RNF13: variants seen among roughly 807,000 people sequenced by gnomAD.
RNF13 encodes ring finger protein 13.
In RNF13, 19 loss-of-function variants were observed where a neutral mutation model predicts 37.7. The ratio of observed to expected loss-of-function variants is 0.50; its 90% CI spans 0.35 to 0.74. RNF13 has a LOEUF of 0.74. RNF13 is among the 30% of genes least tolerant of loss of function. The pLI, the probability that RNF13 is intolerant of heterozygous loss-of-function variation, is 0.01. For missense variants in RNF13, 375 were observed against 453.0 expected (o/e 0.83, Z 1.56); for synonymous variants, 144 against 157.8 (o/e 0.91, Z 0.65).
rs73009640 is a variant in RNF13 at position 149,886,529 on chromosome 3, C to T, written c.322-8944C>T. On this transcript the variant is annotated intron_variant, in intron 4 of 9. Transcript: ENST00000392894. ...TCATATGATTGATTGATTGATTGATCGAGATATCATTTGCACATACATATA... is the reference window on the plus strand; with the variant it reads ...TCATATGATTGATTGATTGATTGATTGAGATATCATTTGCACATACATATA... 6.9e-3 allele frequency among the ~76,000 whole-genome samples: 1,051 copies of T among 152,108 alleles called. 9 individuals are homozygous for T. The highest frequency in any genetic ancestry group is 0.018 in the African/African-American group (748 of 41,486).
At chr3:149,939,293 A>T (rs1360477970) in intron 8 of RNF13, 1 of 466,890 alleles carries the variant, frequency 2.1e-6, no homozygotes, top group Non-Finnish European at 4.1e-6. Context: ...AATCATCATC[A>T]TCGTCATTTT....
chr3:149,831,529 G>A (rs948859749), intron 1 of RNF13, among the ~76,000 whole-genome samples: 4 of 152,184 alleles, frequency 2.6e-5, no homozygotes, highest in African/African-American at 7.2e-5. Flanking sequence ...TGGAATGGGT[G>A]TATTTGACCA....
rs375620879 is a variant in RNF13 at position 149,843,671 on chromosome 3, G to A, written c.-16-2340G>A. On this transcript the variant is annotated intron_variant, in intron 1 of 9. Coordinates refer to ENST00000392894, the MANE Select transcript of RNF13 (RefSeq NM_183381.3). ...TGAATACATGTGTAGGCAAGAAGCT[G>A]TACTTTACTCTTCGAACATCAACCT... Among the ~76,000 whole-genome samples, 46 of 152,334 alleles carry A rather than the reference G, an allele frequency of 3.0e-4. No individual in the cohort carries two copies. In the South Asian group the frequency reaches 8.1e-3, roughly 27 times the overall value.
chr3:149,920,619 A>AAGCAT (rs1255030329), intron 7 of RNF13, among the ~76,000 whole-genome samples: 1 of 152,084 alleles, frequency 6.6e-6, no homozygotes, highest in African/African-American at 2.4e-5. Context: ...TTATTCTTGC[A>AAGCAT]AGCATAGCAA....
chr3:149,927,433 A>G (rs1321574964), intron 8 of RNF13, among the ~76,000 whole-genome samples: 1 of 152,240 alleles, frequency 6.6e-6, no homozygotes, highest in East Asian at 1.9e-4. Flanking sequence ...TGTAAATAAT[A>G]CTGCAATGAA....
At chr3:149,891,928 C>T (rs1714746713) in intron 4 of RNF13, among the ~76,000 whole-genome samples, 1 of 152,188 alleles carries the variant, frequency 6.6e-6, no homozygotes, top group Non-Finnish European at 1.5e-5. Context: ...TTGACTGACA[C>T]ATGAGTTTTA....
In RNF13 at chr3:149,948,875, A is replaced by G. The variant is rs910324729; in HGVS notation, c.701-11181A>G. Among the ~76,000 whole-genome samples the G allele has an allele frequency of 3.9e-5, 6 of 152,154 alleles. No homozygotes were observed. The East Asian group carries it at 9.6e-4, about 24-fold the overall frequency. ...AACCTCATCTCTACAAAAAAACACA[A>G]AAATTAGCCAGGCATGGTGGCAAGT... On this transcript the variant is annotated intron_variant, in intron 8 of 9. Transcript: ENST00000392894.
At chr3:149,858,026 G>T (rs779390266) in intron 3 of RNF13, among the ~76,000 whole-genome samples, 1 of 152,148 alleles carries the variant, frequency 6.6e-6, no homozygotes, top group Non-Finnish European at 1.5e-5. Context: ...AACGGAATAG[G>T]TTAGTTCCCT....
chr3:149,925,351 A>G (rs963411871), intron 8 of RNF13, among the ~76,000 whole-genome samples: 7 of 152,162 alleles, frequency 4.6e-5, no homozygotes, highest in African/African-American at 1.7e-4. Flanking sequence ...AGGAGCTGTT[A>G]TGTTCCCTTC....
At chr3:149,904,514 G>A (rs1345399315) in intron 6 of RNF13, among the ~76,000 whole-genome samples, 1 of 152,076 alleles carries the variant, frequency 6.6e-6, no homozygotes, top group Non-Finnish European at 1.5e-5. Context: ...CCCAGCAGCT[G>A]GGGGCTACAG....
chr3:149,831,576 C>T (rs1344575607), intron 1 of RNF13, among the ~76,000 whole-genome samples: 1 of 152,130 alleles, frequency 6.6e-6, no homozygotes, highest in African/African-American at 2.4e-5. Context: ...AAATAATTAA[C>T]TTGCTTTTGA....
intron 1 of RNF13, among the ~76,000 whole-genome samples, chr3:149,837,369 GTACT>G (rs1026633293): frequency 2.6e-5 from 4 of 152,092 alleles, no homozygotes; most frequent in Admixed American, 2.0e-4. Flanking sequence ...TCTTTCCTAA[GTACT>G]TTACTATAAT....
At chr3:149,820,807 C>T (rs1480482221) in intron 1 of RNF13, among the ~76,000 whole-genome samples, 1 of 152,078 alleles carries the variant, frequency 6.6e-6, no homozygotes, top group African/African-American at 2.4e-5. Context: ...GCAGTCATTC[C>T]CTGATGCCCC....
At chr3:149,866,015 G>T (rs573926138) in intron 3 of RNF13, among the ~76,000 whole-genome samples, 1 of 152,258 alleles carries the variant, frequency 6.6e-6, no homozygotes, top group South Asian at 2.1e-4. Context: ...TTGATGATAT[G>T]CTAAACAAGG....
Position 149,860,270 on chromosome 3 carries a change from A to AATATATATATATATATAT in RNF13, c.195+7688_195+7705dup, listed in dbSNP as rs1186058605. Among the ~76,000 whole-genome samples the AATATATATATATATATAT allele has an allele frequency of 6.7e-5, 7 of 104,094 alleles. 1 individual carries two copies. The highest frequency in any genetic ancestry group is 3.0e-4 in the African/African-American group (7 of 23,728). 68.3% of individuals were successfully genotyped at this position (104,094 alleles called of 152,430 possible). On this transcript the variant is annotated intron_variant, in intron 3 of 9. Transcript: ENST00000392894. ...GAGACTCCATCTAAAAAAAAAAAAA[A>AATATATATATATATATAT]ATATATATATATATATATATATATA...
intron 3 of RNF13, among the ~76,000 whole-genome samples, chr3:149,853,353 A>G (rs1049007947): frequency 1.3e-5 from 2 of 152,016 alleles, no homozygotes; most frequent in African/African-American, 2.4e-5. Flanking sequence ...TTTTCCCTAT[A>G]CCCTCTTAAA....
chr3:149,877,886 CATTT>C (rs1382820440), intron 4 of RNF13, among the ~76,000 whole-genome samples: 2 of 152,096 alleles, frequency 1.3e-5, no homozygotes, highest in African/African-American at 2.4e-5. Context: ...TTCATTCATT[CATTT>C]GTTCATTCAT....
At chr3:149,862,495 T>C (rs1724364361) in intron 3 of RNF13, among the ~76,000 whole-genome samples, 1 of 152,126 alleles carries the variant, frequency 6.6e-6, no homozygotes, top group Non-Finnish European at 1.5e-5. Flanking sequence ...ATATATTTTT[T>C]CTACCATATA....
intron 9 of RNF13, among the ~76,000 whole-genome samples, chr3:149,960,534 G>A (rs923620278): frequency 6.6e-6 from 1 of 152,100 alleles, no homozygotes; most frequent in African/African-American, 2.4e-5. Context: ...AGAGGTTACA[G>A]TGAGCTGAGA....
Sources: gnomAD v4.1 joint callset for allele counts (sites outside exome capture counted in the v4.1 genomes callset) on GRCh38, gnomAD v4.1.1 for gene constraint, MANE v1.5 for transcripts, NCBI Gene and HGNC (gene_info 2026-07-23, HGNC 2026-07-21) for gene names.